TAF9B: variants seen among roughly 807,000 people sequenced by gnomAD.
TAF9B encodes the protein TATA-box binding protein associated factor 9b.
In TAF9B, 47 loss-of-function variants were observed where a neutral mutation model predicts 17.6. The observed-to-expected ratio is 2.68, with a 90% confidence interval of 2.12 to 3.41. The LOEUF is 3.41. Ranked by LOEUF, TAF9B falls within the 30% of genes most tolerant of loss-of-function variation. The pLI is 0.00. For synonymous variants in TAF9B, 84 were observed against 68.7 expected (o/e 1.22, Z -1.10); for missense variants, 218 against 189.3 (o/e 1.15, Z -0.89).
In TAF9B at chrX:78,137,823, C is replaced by T. The variant is rs2078439894; in HGVS notation, c.331G>A (p.Ala111Thr). Residue 111 changes from alanine (A) to threonine (T), a missense_variant, in exon 4 of 7, where the codon GCA becomes ACA. Coordinates refer to ENST00000341864, the MANE Select transcript of TAF9B (RefSeq NM_015975.5). ...QTPLPLIKPY[A>T]GPRLPPDRYC... ...CTATCAGGTGGCAGTCTAGGTCCTG[C>T]ATATGGCTTAATCAGTGGCAAAGGG... 2.5e-6 allele frequency: 3 copies of T among 1,210,189 alleles called. No homozygotes were observed. The highest frequency in any genetic ancestry group is 3.4e-6 in the Non-Finnish European group (3 of 894,922).
chrX:78,136,880 A>G, intron 5 of TAF9B, 35 bp downstream of exon 5: 1 of 1,090,170 alleles, frequency 9.2e-7, no homozygotes, highest in South Asian at 1.9e-5. Context: ...GCACTGCTTT[A>G]CCAGCCAGAA....
rs782063206 is a variant in TAF9B at position 78,137,948 on chromosome X, C to CA, written c.270+13dup. ...ATTGTAAGTAAAAATAACTTCAAAT[C>CA]AAAGTTTGCTCACATCTCTTGGGGG... On this transcript the variant is annotated intron_variant, in intron 3 of 6. Coordinates refer to ENST00000341864, the MANE Select transcript of TAF9B (RefSeq NM_015975.5). 2.3e-4 allele frequency: 272 copies of CA among 1,200,016 alleles called. No individual in the cohort carries two copies. The highest frequency in any genetic ancestry group is 2.7e-4 in the Non-Finnish European group (241 of 892,068).
chrX:78,139,548 C>A lies in TAF9B; in HGVS notation c.51+13G>T. 1 of 1,212,018 alleles carries A rather than the reference C, an allele frequency of 8.3e-7. No homozygotes were observed. Among genetic ancestry groups the A allele is most frequent in the Non-Finnish European group, 1.1e-6 (1 of 895,433 alleles). ...CCTGGCTTCGCGATCCGCGGCTTAT[C>A]CTTCGCACTTACCAAGGCATCTCTC... is the stretch of plus-strand genomic sequence containing the variant. On this transcript the variant is annotated intron_variant, in intron 1 of 6. Coordinates refer to ENST00000341864, the MANE Select transcript of TAF9B (RefSeq NM_015975.5).
In TAF9B at chrX:78,131,473, C is replaced by A; in HGVS notation, c.*137G>T. 2.0e-6 allele frequency: 1 copy of A among 492,193 alleles called. No individual in the cohort carries two copies. Among genetic ancestry groups the A allele is most frequent in the Non-Finnish European group, 3.3e-6 (1 of 302,727 alleles). 40.6% of individuals were successfully genotyped at this position (492,193 alleles called of 1,213,427 possible). ...TTGTATGTTTACTAAAGAGATCTAA[C>A]AGTTTTAACTGACGAAAAATACTGC... is the stretch of plus-strand genomic sequence containing the variant. On this transcript the variant is annotated 3_prime_UTR_variant, in exon 7 of 7. Transcript: ENST00000341864.
In TAF9B at chrX:78,131,726, T is replaced by C. The variant is rs782226702; in HGVS notation, c.640A>G (p.Ile214Val). 3 of 1,208,944 alleles carry C rather than the reference T, an allele frequency of 2.5e-6. No individual in the cohort carries two copies. The highest frequency in any genetic ancestry group is 2.2e-5 in the Admixed American group (1 of 45,650). ...VQNVLINPSM[I>V]GPKNILITTN... ...GTAATAAGAATATTTTTGGGCCCAA[T>C]CATTGAAGGATTAATCAGAACATTT... Residue 214 changes from isoleucine to valine, a missense_variant, in exon 7 of 7, where the codon ATT becomes GTT. Physicochemically the swap from Ile to Val is conservative, Grantham distance 29 (BLOSUM62 3). Transcript: ENST00000341864.
chrX:78,130,309 G>C lies in TAF9B; in HGVS notation c.*1301C>G, dbSNP rs145146897. ...GTTGAACTTAAGAAAAACAAAACAG[G>C]TGTGTTTATATTCTCAAAAGCTTTG... On this transcript the variant is annotated 3_prime_UTR_variant, in exon 7 of 7. Transcript: ENST00000341864. 8.9e-6 allele frequency: 1 copy of C among 112,252 alleles called. No homozygotes were observed. Among genetic ancestry groups the C allele is most frequent in the African/African-American group, 3.2e-5 (1 of 30,937 alleles). The allele number at this position is 112,252 out of a possible 1,213,427, so 9.3% of individuals were successfully genotyped here.
At chrX:78,131,873 A>G in intron 6 of TAF9B, 100 bp from the exon 7 acceptor site, 1 of 780,310 alleles carries the variant, frequency 1.3e-6, no homozygotes, top group Non-Finnish European at 1.8e-6. Context: ...ATGTAATTCT[A>G]ATACCAATTT....
rs139539471 is a variant in TAF9B at position 78,131,628 on chromosome X, A to G, written c.738T>C (p.Asp246=). Residue 246 remains aspartate (D), a synonymous_variant, in exon 7 of 7, where the codon GAT becomes GAC. Transcript: ENST00000341864. ...ATATTCCTTACATAATATCATTGTC[A>G]TCATCATCTTCATGTTTTCTCTTCA... ...NPLKRKHEDD[D]DNDIM 883 of 1,208,988 alleles carry G rather than the reference A, an allele frequency of 7.3e-4. No individual in the cohort carries two copies. Among genetic ancestry groups the G allele is most frequent in the Non-Finnish European group, 9.3e-4 (836 of 894,358 alleles).
At position 78,139,645 on chromosome X, in the gene TAF9B, G is replaced by C. The variant is rs976686270; in HGVS notation, c.-34C>G. On this transcript the variant is annotated 5_prime_UTR_variant, in exon 1 of 7. Transcript: ENST00000341864. Reference sequence around the variant, plus strand: ...GCCACTCGTCATCCGCGGAGACAGAGGAGAGAGGAGAGCTCGCGGGCTCCT... The same window carrying C: ...GCCACTCGTCATCCGCGGAGACAGACGAGAGAGGAGAGCTCGCGGGCTCCT... 2 of 1,209,148 alleles carry C rather than the reference G, an allele frequency of 1.7e-6. No homozygotes were observed. Among genetic ancestry groups the C allele is most frequent in the Non-Finnish European group, 2.2e-6 (2 of 893,923 alleles).
Position 78,138,931 on chromosome X carries a change from A to C in TAF9B, c.52-7T>G. 1 of 1,174,408 alleles carries C rather than the reference A, an allele frequency of 8.5e-7. No individual in the cohort carries two copies. The highest frequency in any genetic ancestry group is 1.2e-6 in the Non-Finnish European group (1 of 864,285). On this transcript the variant is annotated splice_polypyrimidine_tract_variant and splice_region_variant and intron_variant, in intron 1 of 6. Transcript: ENST00000341864. ...TCAGGATCTGTGCCATCACCTGTGG[A>C]TTCAAATAAAAACACCAGATGCAGA...
chrX:78,135,970 T>C (rs1305366419), intron 5 of TAF9B, among the ~76,000 whole-genome samples: 3 of 111,749 alleles, frequency 2.7e-5, no homozygotes, highest in Admixed American at 9.5e-5. Context: ...AAATGCAAAT[T>C]TACATCCTGA....
chrX:78,132,971 ACACT>A (rs2078420004), intron 6 of TAF9B, among the ~76,000 whole-genome samples: 1 of 111,949 alleles, frequency 8.9e-6, no homozygotes, highest in Non-Finnish European at 1.9e-5. Context: ...TTGAGAGATC[ACACT>A]CACATATATT....
In TAF9B at chrX:78,137,886, TAAAA is replaced by T; in HGVS notation, c.271-7_271-4del. On this transcript the variant is annotated splice_polypyrimidine_tract_variant and splice_region_variant and intron_variant, in intron 3 of 6. Coordinates refer to ENST00000341864, the MANE Select transcript of TAF9B (RefSeq NM_015975.5). ...TGCCTTGCGATATCCAGTAAAAACT[TAAAA>T]AAAAAATCCTTATTAGAACTACAGT... The T allele has an allele frequency of 1.7e-6, 2 of 1,147,340 alleles. No homozygotes were observed. Among genetic ancestry groups the T allele is most frequent in the Non-Finnish European group, 2.3e-6 (2 of 857,140 alleles). The allele number at this position is 1,147,340 out of a possible 1,213,427, so 94.6% of individuals were successfully genotyped here.
rs2078411978 is a variant in TAF9B, at chrX:78,131,475, G to GT, written c.*134dup. The GT allele has an allele frequency of 1.9e-6, 1 of 526,571 alleles. No individual in the cohort carries two copies. Among genetic ancestry groups the GT allele is most frequent in the African/African-American group, 2.3e-5 (1 of 42,668 alleles). 43.4% of individuals were successfully genotyped at this position (526,571 alleles called of 1,213,427 possible). A position where few individuals can be genotyped will look rare whatever the true frequency, so the allele number is the denominator to read the frequency against. On this transcript the variant is annotated 3_prime_UTR_variant, in exon 7 of 7. Transcript: ENST00000341864. The stretch of plus-strand genomic sequence containing the variant: ...GTATGTTTACTAAAGAGATCTAACA[G>GT]TTTTAACTGACGAAAAATACTGCAG...
chrX:78,133,491 A>G (rs1557249756), intron 5 of TAF9B, 43 bp from the exon 6 acceptor site: 2 of 984,703 alleles, frequency 2.0e-6, no homozygotes, highest in Non-Finnish European at 1.4e-6. Flanking sequence ...GGTGACTTAT[A>G]CAGATTTATA....
chrX:78,138,842 C>G lies in TAF9B; in HGVS notation c.133+1G>C. ...AAGTTTTTGGTGTTTCATTAACTTA[C>G]GGAAAGCAAATTCCAACATTTGATT... On this transcript the variant is annotated splice_donor_variant, in intron 2 of 6. Coordinates refer to ENST00000341864, the MANE Select transcript of TAF9B (RefSeq NM_015975.5). LOFTEE classifies it high-confidence loss of function. 6 of 1,195,436 alleles carry G rather than the reference C, an allele frequency of 5.0e-6. No homozygotes were observed. The highest frequency in any genetic ancestry group is 6.8e-6 in the Non-Finnish European group (6 of 881,122).
chrX:78,135,302 C>T (rs781831260), intron 5 of TAF9B, among the ~76,000 whole-genome samples: 5 of 100,601 alleles, frequency 5.0e-5, no homozygotes, highest in Non-Finnish European at 1.0e-4. Context: ...TTATGCCTGG[C>T]GTGGTGGCTC....
intron 6 of TAF9B, among the ~76,000 whole-genome samples, chrX:78,132,145 C>A (rs782056532): frequency 9.0e-6 from 1 of 110,863 alleles, no homozygotes; most frequent in East Asian, 2.8e-4. Flanking sequence ...AGGCGTGTAC[C>A]ACCAAACCTG....
chrX:78,132,058 A>G (rs782277886), intron 6 of TAF9B, among the ~76,000 whole-genome samples: 85 of 111,809 alleles, frequency 7.6e-4, no homozygotes, highest in Non-Finnish European at 1.2e-3. Context: ...AGCTGGCGTG[A>G]TCTTGGCTCA....
Sources: gnomAD v4.1 joint callset for allele counts (sites outside exome capture counted in the v4.1 genomes callset) on GRCh38, gnomAD v4.1.1 for gene constraint, MANE v1.5 for transcripts, NCBI Gene and HGNC (gene_info 2026-07-23, HGNC 2026-07-21) for gene names.